Variants in RASAL3 observed in about 807,000 individuals in gnomAD.
RASAL3 encodes RAS protein activator like 3.
In RASAL3, 74 loss-of-function variants were observed where a neutral mutation model predicts 105.5. That is an observed-to-expected ratio of 0.70 (90% CI 0.58 to 0.85). The LOEUF (loss-of-function observed/expected upper bound fraction) is 0.85. Among genes scored for constraint, RASAL3 ranks in the 40% least tolerant of loss-of-function variants. The probability of loss-of-function intolerance (pLI) is 0.00; values close to 1 mark genes in which losing one functional copy is unlikely to be tolerated. For synonymous variants in RASAL3, 579 were observed against 591.6 expected, an observed-to-expected ratio of 0.98 and a Z score of 0.31; for missense variants, 1,352 against 1,392.0, an observed-to-expected ratio of 0.97 and a Z score of 0.46.
At chr19:15,462,226 C>G (rs1279039979) in intron 2 of RASAL3, among the ~76,000 whole-genome samples, 1 of 152,050 alleles carries the variant, frequency 6.6e-6, no homozygotes, top group African/African-American at 2.4e-5. Context: ...GTGGCTCACA[C>G]CTGTAATCCT....
At position 15,456,503 on chromosome 19, in the gene RASAL3, C is replaced by T; in HGVS notation, c.1575G>A (p.Leu525=). Residue 525 remains leucine, a splice_region_variant and synonymous_variant, in exon 10 of 18, where the codon CTG becomes CTA. Coordinates refer to ENST00000343625, the MANE Select transcript of RASAL3 (RefSeq NM_022904.3). This position sits in a 1 kb window ranked among gnomAD's most constrained non-coding sequence, Gnocchi z 4.4. ...GACATGGACTCTCCCCCAGCTCACC[C>T]AGGGTCTCCTGGAGGTAATCCTGTG... The part of the protein sequence containing the change: ...LVAQDYLQET[L]GQVVRRLCAS... 2 of 1,613,610 alleles carry T rather than the reference C, an allele frequency of 1.2e-6. No homozygotes were observed. Among genetic ancestry groups the T allele is most frequent in the Non-Finnish European group, 1.7e-6 (2 of 1,179,748 alleles).
At chr19:15,461,744 C>T in intron 2 of RASAL3, 137 bp from the exon 3 acceptor site, 1 of 1,288,314 alleles carries the variant, frequency 7.8e-7, no homozygotes, top group Non-Finnish European at 1.0e-6. Flanking sequence ...ACTGTATGAC[C>T]TTGGGCAAGC....
In RASAL3 at chr19:15,453,341, C is replaced by T. The variant is rs1429020529; in HGVS notation, c.2436G>A (p.Arg812=). 6 of 1,426,018 alleles carry T rather than the reference C, an allele frequency of 4.2e-6. No homozygotes were observed. In the Admixed American group the frequency reaches 1.4e-4, roughly 33 times the overall value. 88.3% of individuals were successfully genotyped at this position (1,426,018 alleles called of 1,614,324 possible). A position where few individuals can be genotyped will look rare whatever the true frequency, so the allele number is the denominator to read the frequency against. ...GGACACTCTGCGTGCGCTGCACCGG[C>T]CGGGGCCGCCGCAGGGGCCGCTCTT... The part of the protein sequence containing the change: ...PDEERPLRRP[R]PVQRTQSVPV... Residue 812 remains arginine (R), a synonymous_variant, in exon 15 of 18, where the codon CGG becomes CGA. Coordinates refer to ENST00000343625, the MANE Select transcript of RASAL3 (RefSeq NM_022904.3). This position sits in a 1 kb window ranked among gnomAD's most constrained non-coding sequence, Gnocchi z 4.2.
Position 15,453,609 on chromosome 19 carries a change from T to A in RASAL3, c.2280-112A>T. 1 of 1,146,068 alleles carries A rather than the reference T, an allele frequency of 8.7e-7. No homozygotes were observed. The highest frequency in any genetic ancestry group is 1.2e-6 in the Non-Finnish European group (1 of 854,102). 71.0% of individuals were successfully genotyped at this position (1,146,068 alleles called of 1,614,324 possible). A position where few individuals can be genotyped will look rare whatever the true frequency, so the allele number is the denominator to read the frequency against. Reference sequence around the variant, plus strand: ...ACGTGAACTTGTCCTTTCTTTTTTTTTTTTGAGACAAGGTCTTGCTCTGTC... The same window carrying A: ...ACGTGAACTTGTCCTTTCTTTTTTTATTTTGAGACAAGGTCTTGCTCTGTC... On this transcript the variant is annotated intron_variant, in intron 14 of 17. Coordinates refer to ENST00000343625, the MANE Select transcript of RASAL3 (RefSeq NM_022904.3). This position sits in a 1 kb window ranked among gnomAD's most constrained non-coding sequence, Gnocchi z 4.2.
intron 2 of RASAL3, among the ~76,000 whole-genome samples, chr19:15,463,223 G>A (rs1316289549): frequency 6.6e-6 from 1 of 151,630 alleles, no homozygotes; most frequent in Non-Finnish European, 1.5e-5. Flanking sequence ...GTAGCTGGGA[G>A]TACAGGTATG....
At chr19:15,452,993 G>A (rs1277882408) in intron 15 of RASAL3, 114 bp downstream of exon 15, 60 of 1,514,254 alleles carry the variant, frequency 4.0e-5, no homozygotes, top group Non-Finnish European at 5.1e-5. Flanking sequence ...CTAGGCCTGG[G>A]GTCACACAGC....
Position 15,457,345 on chromosome 19 carries a change from C to T in RASAL3, c.1378G>A (p.Glu460Lys). The T allele has an allele frequency of 1.4e-6, 2 of 1,402,642 alleles. No homozygotes were observed. The highest frequency in any genetic ancestry group is 1.4e-5 in the South Asian group (1 of 69,002). 86.9% of individuals were successfully genotyped at this position (1,402,642 alleles called of 1,614,324 possible). A position where few individuals can be genotyped will look rare whatever the true frequency, so the allele number is the denominator to read the frequency against. Residue 460 changes from glutamate to lysine, a missense_variant, in exon 9 of 18, where the codon GAG becomes AAG. Coordinates refer to ENST00000343625, the MANE Select transcript of RASAL3 (RefSeq NM_022904.3). The surrounding 1 kb of genome is among the most constrained non-coding windows in gnomAD (Gnocchi z 8.6). ...CGCACCATGGCTGCCGCCAGCTCCT[C>T]CTTGGCCTGCGCAGGCAGCGCGGGC... is the stretch of plus-strand genomic sequence containing the variant. ...LEPALPAQAKEELAAAMVRVL... is the reference protein window; with the variant it reads ...LEPALPAQAKKELAAAMVRVL...
At chr19:15,460,481 G>A (rs1449568806) in intron 5 of RASAL3, among the ~76,000 whole-genome samples, 1 of 152,046 alleles carries the variant, frequency 6.6e-6, no homozygotes, top group Non-Finnish European at 1.5e-5. Context: ...ACAGTGGTGC[G>A]ATCATGGCTC....
chr19:15,460,241 C>T lies in RASAL3; in HGVS notation c.624G>A (p.Leu208=). ...VHNVRGLLKR[L]KEKKKARLEP... is the part of the protein sequence containing the mutation. ...CCAACCTGGCCTTTTTCTTCTCTTTCAGCCTCTTGAGCAACCCCTGTGGGG... is the reference window on the plus strand; with the variant it reads ...CCAACCTGGCCTTTTTCTTCTCTTTTAGCCTCTTGAGCAACCCCTGTGGGG... The change falls in exon 6 of 18, where the codon CTG becomes CTA. Residue 208 remains leucine (L), a synonymous_variant. Coordinates refer to ENST00000343625, the MANE Select transcript of RASAL3 (RefSeq NM_022904.3). 1.2e-6 allele frequency: 2 copies of T among 1,609,058 alleles called. No individual in the cohort carries two copies.
In RASAL3 at chr19:15,454,517, C is replaced by T; in HGVS notation, c.2004G>A (p.Leu668=). ...ATTGCATGGCTGGTCCATGTTCCTC[C>T]AGGAAGCTATTCATGAAGCCCATGT... ...EAYMGFMNSF[L]EEHGPAMQCF... Residue 668 remains leucine (L), a synonymous_variant, in exon 13 of 18, where the codon CTG becomes CTA. Coordinates refer to ENST00000343625, the MANE Select transcript of RASAL3 (RefSeq NM_022904.3). 1 of 1,614,030 alleles carries T rather than the reference C, an allele frequency of 6.2e-7. No individual in the cohort carries two copies. Among genetic ancestry groups the T allele is most frequent in the Non-Finnish European group, 8.5e-7 (1 of 1,179,900 alleles).
In RASAL3 at chr19:15,461,054, C is replaced by T; in HGVS notation, c.606+6G>A. On this transcript the variant is annotated splice_donor_region_variant and intron_variant, in intron 5 of 17. Transcript: ENST00000343625. ...CTCTACCTCCCACCTTCACTGGCTG[C>T]CTTACCCGAACGTTGTGGACCTGGT... 1 of 1,613,678 alleles carries T rather than the reference C, an allele frequency of 6.2e-7. No individual in the cohort carries two copies. Among genetic ancestry groups the T allele is most frequent in the Non-Finnish European group, 8.5e-7 (1 of 1,179,750 alleles).
chr19:15,455,259 T>C (rs897816290), intron 11 of RASAL3, among the ~76,000 whole-genome samples: 7 of 152,098 alleles, frequency 4.6e-5, no homozygotes, highest in Non-Finnish European at 1.0e-4. Flanking sequence ...GTACAAGATA[T>C]AAAGTAGGAT....
At chr19:15,458,768 T>C (rs1466760935) in intron 6 of RASAL3, 113 bp from the exon 7 acceptor site, 16 of 1,348,258 alleles carry the variant, frequency 1.2e-5, no homozygotes, top group Admixed American at 2.5e-5. Flanking sequence ...ATCCCGTTTC[T>C]CCCCCGTGCC....
At chr19:15,463,603 A>G (rs1470917537) in intron 2 of RASAL3, among the ~76,000 whole-genome samples, 4 of 152,170 alleles carry the variant, frequency 2.6e-5, no homozygotes, top group Non-Finnish European at 5.9e-5. Flanking sequence ...AATGGAGATC[A>G]TTATTCTCAC....
At chr19:15,455,544 T>G (rs190608313) in intron 11 of RASAL3, among the ~76,000 whole-genome samples, 3 of 152,342 alleles carry the variant, frequency 2.0e-5, no homozygotes, top group Non-Finnish European at 4.4e-5. Context: ...GAATTGGGTC[T>G]CAGGTTACTT....
chr19:15,461,010 C>G, intron 5 of RASAL3, 50 bp downstream of exon 5: 2 of 1,570,742 alleles, frequency 1.3e-6, no homozygotes, highest in Non-Finnish European at 8.7e-7. Flanking sequence ...TTTGAGGGTC[C>G]GAGAGTCTTG....
chr19:15,451,679 C>G lies in RASAL3; in HGVS notation c.*116G>C. On this transcript the variant is annotated 3_prime_UTR_variant, in exon 18 of 18. Transcript: ENST00000343625. Reference sequence around the variant, plus strand: ...CTTCATACTGCCAGAGTGGTTGGGACCAGCAGCTCCACTCCCCACTGTAGG... The same window carrying G: ...CTTCATACTGCCAGAGTGGTTGGGAGCAGCAGCTCCACTCCCCACTGTAGG... 1 of 1,137,900 alleles carries G rather than the reference C, an allele frequency of 8.8e-7. No individual in the cohort carries two copies. The highest frequency in any genetic ancestry group is 1.2e-6 in the Non-Finnish European group (1 of 808,834). 70.5% of individuals were successfully genotyped at this position (1,137,900 alleles called of 1,614,324 possible).
chr19:15,460,735 T>C (rs190941331), intron 5 of RASAL3, among the ~76,000 whole-genome samples: 2 of 152,302 alleles, frequency 1.3e-5, no homozygotes, highest in East Asian at 3.9e-4. Flanking sequence ...TATTCATTTA[T>C]TTATTTAAGA....
At position 15,452,123 on chromosome 19, in the gene RASAL3, G is replaced by A. The variant is rs200233361; in HGVS notation, c.2829-15C>T. 1 of 1,613,778 alleles carries A rather than the reference G, an allele frequency of 6.2e-7. No homozygotes were observed. Among genetic ancestry groups the A allele is most frequent in the Admixed American group, 1.7e-5 (1 of 60,030 alleles). On this transcript the variant is annotated splice_polypyrimidine_tract_variant and intron_variant, in intron 16 of 17. Transcript: ENST00000343625. ...ACTCTGAGCTCCTGTGGGGGTCGGG[G>A]GATTGGGGCGAAGGGCAGAGGCTAA...
Sources: gnomAD v4.1 joint callset for allele counts (sites outside exome capture counted in the v4.1 genomes callset) on GRCh38, gnomAD v4.1.1 for gene constraint, Gnocchi (gnomAD v3.1) non-coding constraint, MANE v1.5 for transcripts, NCBI Gene and HGNC (gene_info 2026-07-23, HGNC 2026-07-21) for gene names.